Variants in XKR4 observed in about 807,000 individuals in gnomAD.
XKR4 encodes XK related 4.
A neutral mutation model predicts 53.9 loss-of-function variants in XKR4; 12 were observed. The observed-to-expected ratio is 0.22, with a 90% confidence interval of 0.14 to 0.36. The LOEUF is 0.36. Among genes scored for constraint, XKR4 ranks in the 10% least tolerant of loss-of-function variants. XKR4 has a pLI of 1.00. For missense variants in XKR4, 799 were observed against 859.5 expected (o/e 0.93, Z 0.88); for synonymous variants, 354 against 362.4 (o/e 0.98, Z 0.26).
chr8:55,289,654 G>GAAGA (rs1818966112), intron 1 of XKR4, among the ~76,000 whole-genome samples: 1 of 82,218 alleles, frequency 1.2e-5, no homozygotes, highest in Non-Finnish European at 2.5e-5. Context: ...AGAAAGGAAG[G>GAAGA]AAGGAAAAGA....
intron 1 of XKR4, among the ~76,000 whole-genome samples, chr8:55,242,969 G>A (rs1818231351): frequency 6.6e-6 from 1 of 152,114 alleles, no homozygotes; most frequent in African/African-American, 2.4e-5. Flanking sequence ...CTAATACCTG[G>A]GGGTAAAGCA....
intron 1 of XKR4, among the ~76,000 whole-genome samples, chr8:55,256,429 A>G (rs967577266): frequency 6.6e-6 from 1 of 152,242 alleles, no homozygotes; most frequent in African/African-American, 2.4e-5. Context: ...CTGCATTTGC[A>G]ATTAGTCCAG....
intron 2 of XKR4, chr8:55,451,580 G>A: frequency 1.6e-6 from 2 of 1,251,512 alleles, no homozygotes; most frequent in East Asian, 2.5e-5. Flanking sequence ...GCCTTGGACC[G>A]CCGGATGCGC....
intron 2 of XKR4, among the ~76,000 whole-genome samples, chr8:55,458,761 C>A (rs1805607373): frequency 6.6e-6 from 1 of 152,222 alleles, no homozygotes; most frequent in Admixed American, 6.5e-5. Flanking sequence ...TCACTGACAT[C>A]AAGCTGCTGC....
intron 1 of XKR4, among the ~76,000 whole-genome samples, chr8:55,329,280 G>A (rs936511601): frequency 6.6e-6 from 1 of 152,020 alleles, no homozygotes; most frequent in African/African-American, 2.4e-5. Flanking sequence ...TCTTAAGCTT[G>A]TTTAACCCAA....
chr8:55,138,293 C>T (rs1267628047), intron 1 of XKR4, among the ~76,000 whole-genome samples: 2 of 152,164 alleles, frequency 1.3e-5, no homozygotes, highest in Non-Finnish European at 2.9e-5. Flanking sequence ...GGCCACAAGG[C>T]TTTTGGATCA....
intron 2 of XKR4, among the ~76,000 whole-genome samples, chr8:55,418,386 C>A (rs1302870439): frequency 2.0e-5 from 3 of 152,180 alleles, no homozygotes; most frequent in Non-Finnish European, 4.4e-5. Context: ...AGGCTAAAAC[C>A]CTTTCTGCTA....
chr8:55,428,958 G>A lies in XKR4; in HGVS notation c.1006+71081G>A, dbSNP rs573838489. Among the ~76,000 whole-genome samples, 3 of 152,268 alleles carry A rather than the reference G, an allele frequency of 2.0e-5. No individual in the cohort carries two copies. In the East Asian group the frequency reaches 5.8e-4, roughly 29 times the overall value. On this transcript the variant is annotated intron_variant, in intron 2 of 2. Coordinates refer to ENST00000327381, the MANE Select transcript of XKR4 (RefSeq NM_052898.2). ...TTTACATGGAAAAGCAAGTGAACTAGAATAGCTCAAACAATTCTGGATGAA... is the reference window on the plus strand; with the variant it reads ...TTTACATGGAAAAGCAAGTGAACTAAAATAGCTCAAACAATTCTGGATGAA...
At chr8:55,297,346 A>G (rs1285703957) in intron 1 of XKR4, among the ~76,000 whole-genome samples, 19 of 152,192 alleles carry the variant, frequency 1.2e-4, no homozygotes, top group Admixed American at 1.0e-3. Flanking sequence ...AAGTGCATAA[A>G]ATGTTCAGTT....
At chr8:55,408,282 C>T (rs1183235171) in intron 2 of XKR4, among the ~76,000 whole-genome samples, 1 of 152,198 alleles carries the variant, frequency 6.6e-6, no homozygotes, top group Non-Finnish European at 1.5e-5. Flanking sequence ...CCTGATTTTT[C>T]TTCCAATAGG....
intron 2 of XKR4, chr8:55,452,642 C>A (rs1805471896): frequency 4.2e-6 from 6 of 1,423,700 alleles, no homozygotes; most frequent in Non-Finnish European, 5.9e-6. Flanking sequence ...CATGCAGCCC[C>A]TTGAGGTGGT....
chr8:55,480,977 G>A (rs577661016), intron 2 of XKR4, among the ~76,000 whole-genome samples: 1 of 152,252 alleles, frequency 6.6e-6, no homozygotes, highest in African/African-American at 2.4e-5. Context: ...TACTGCACAA[G>A]GTAATTTATA....
intron 2 of XKR4, among the ~76,000 whole-genome samples, chr8:55,423,570 T>C (rs2129392711): frequency 6.6e-6 from 1 of 152,320 alleles, no homozygotes; most frequent in East Asian, 1.9e-4. Flanking sequence ...CACATCACTT[T>C]CTTTGGGAAG....
chr8:55,199,295 C>T (rs748262036), intron 1 of XKR4, among the ~76,000 whole-genome samples: 5 of 152,152 alleles, frequency 3.3e-5, no homozygotes, highest in South Asian at 2.1e-4. Context: ...TGCTAAACTG[C>T]ATAATTTCCT....
chr8:55,273,176 G>A (rs1172403030), intron 1 of XKR4, among the ~76,000 whole-genome samples: 3 of 146,988 alleles, frequency 2.0e-5, no homozygotes, highest in Non-Finnish European at 3.1e-5. Context: ...GTGTGTGTGT[G>A]TGTGTGTATG....
At chr8:55,491,939 GC>G (rs1260639471) in intron 2 of XKR4, among the ~76,000 whole-genome samples, 1 of 152,218 alleles carries the variant, frequency 6.6e-6, no homozygotes, top group Non-Finnish European at 1.5e-5. Context: ...TCAAGAGGAT[GC>G]CGATGCAGGT....
At chr8:55,448,493 C>T (rs550953871) in intron 2 of XKR4, among the ~76,000 whole-genome samples, 7 of 152,318 alleles carry the variant, frequency 4.6e-5, no homozygotes, top group Non-Finnish European at 5.9e-5. Context: ...TGCACATCTG[C>T]GTAATGTCTA....
rs575569218 is a variant in XKR4, at chr8:55,261,887, T to A, written c.807-95791T>A. Among the ~76,000 whole-genome samples the A allele has an allele frequency of 6.4e-3, 959 of 148,854 alleles. 10 individuals are homozygous for A. Among genetic ancestry groups the A allele is most frequent in the African/African-American group, 0.022 (903 of 41,168 alleles). On this transcript the variant is annotated intron_variant, in intron 1 of 2. Transcript: ENST00000327381. ...AAAGGGAAGATTTGGCTTTTTTTTT[T>A]AAAAAAAAGTATATTCATATAAAGT...
At chr8:55,417,342 G>A (rs1324269920) in intron 2 of XKR4, among the ~76,000 whole-genome samples, 3 of 152,126 alleles carry the variant, frequency 2.0e-5, no homozygotes, top group Non-Finnish European at 2.9e-5. Flanking sequence ...CTGTCTAAAT[G>A]GCCAAGCATT....
Sources: gnomAD v4.1 joint callset for allele counts (sites outside exome capture counted in the v4.1 genomes callset) on GRCh38, gnomAD v4.1.1 for gene constraint, MANE v1.5 for transcripts, NCBI Gene and HGNC (gene_info 2026-07-23, HGNC 2026-07-21) for gene names.